CTNNA3: variants seen among roughly 807,000 people sequenced by gnomAD.
CTNNA3 encodes the protein catenin alpha-3.
Under a neutral mutation model 95.7 loss-of-function variants are expected in CTNNA3, and 76 were observed. That is an observed-to-expected ratio of 0.79 (90% CI 0.66 to 0.96). The LOEUF (loss-of-function observed/expected upper bound fraction) is 0.96, where lower values mean the gene tolerates loss of function less well. CTNNA3 is among the 40% of genes least tolerant of loss of function. The probability of loss-of-function intolerance (pLI) is 0.00; values close to 1 mark genes in which losing one functional copy is unlikely to be tolerated. For synonymous variants in CTNNA3, 431 were observed against 374.4 expected (o/e 1.15, Z -1.74); for missense variants, 1,191 against 1,089.8 (o/e 1.09, Z -1.31).
intron 2 of CTNNA3, among the ~76,000 whole-genome samples, chr10:67,627,796 C>T (rs1839007148): frequency 6.6e-6 from 1 of 151,762 alleles, no homozygotes; most frequent in Non-Finnish European, 1.5e-5. Flanking sequence ...AAATTACTTA[C>T]TTCCTAGGTT....
At chr10:66,110,620 T>C (rs963025092) in intron 13 of CTNNA3, among the ~76,000 whole-genome samples, 16 of 152,208 alleles carry the variant, frequency 1.1e-4, no homozygotes, top group Non-Finnish European at 2.4e-4. Context: ...CTGCTTTCAT[T>C]CTGCTGATCT....
chr10:67,234,410 A>C (rs1865359547), intron 5 of CTNNA3, among the ~76,000 whole-genome samples: 1 of 152,222 alleles, frequency 6.6e-6, no homozygotes, highest in African/African-American at 2.4e-5. Flanking sequence ...CAAAGACAAA[A>C]ACCACATGAT....
At chr10:66,119,477 A>G (rs1340519498) in intron 13 of CTNNA3, among the ~76,000 whole-genome samples, 2 of 152,172 alleles carry the variant, frequency 1.3e-5, no homozygotes, top group Admixed American at 6.5e-5. Flanking sequence ...GTACTCTTCA[A>G]GATTTTCTAG....
chr10:67,596,309 T>A (rs1842930599), intron 3 of CTNNA3, among the ~76,000 whole-genome samples: 1 of 152,188 alleles, frequency 6.6e-6, no homozygotes, highest in African/African-American at 2.4e-5. Context: ...CATTTATACC[T>A]GAGGTTGCAA....
At chr10:67,582,980 T>C (rs1358537929) in intron 3 of CTNNA3, among the ~76,000 whole-genome samples, 2 of 152,132 alleles carry the variant, frequency 1.3e-5, no homozygotes, top group Non-Finnish European at 2.9e-5. Context: ...GTTTCCTGAA[T>C]ACAGCACACT....
At chr10:67,227,569 C>T (rs543150999) in intron 5 of CTNNA3, among the ~76,000 whole-genome samples, 18 of 152,234 alleles carry the variant, frequency 1.2e-4, no homozygotes, top group Admixed American at 3.3e-4. Context: ...AATAGATCTA[C>T]GCAATGAGAT....
At chr10:66,583,614 A>G (rs1843266545) in intron 10 of CTNNA3, among the ~76,000 whole-genome samples, 3 of 151,484 alleles carry the variant, frequency 2.0e-5, no homozygotes, top group Non-Finnish European at 1.5e-5. Context: ...TAACAATTTT[A>G]TCTTTTTGAA....
In CTNNA3 at chr10:67,090,833, C is replaced by A. The variant is rs1021268729; in HGVS notation, c.1047+89484G>T. On this transcript the variant is annotated intron_variant, in intron 7 of 17. Coordinates refer to ENST00000433211, the MANE Select transcript of CTNNA3 (RefSeq NM_013266.4). ...AAATCCTAAAGAAACTAAGGTAGAACCTGCGGTAACATCTAGGCCGTCCCT... is the reference window on the plus strand; with the variant it reads ...AAATCCTAAAGAAACTAAGGTAGAAACTGCGGTAACATCTAGGCCGTCCCT... Among the ~76,000 whole-genome samples the A allele has an allele frequency of 4.6e-5, 7 of 152,112 alleles. No homozygotes were observed. The South Asian group carries it at 1.0e-3, about 23-fold the overall frequency.
At chr10:66,256,321 G>A (rs879211181) in intron 13 of CTNNA3, among the ~76,000 whole-genome samples, 2 of 152,070 alleles carry the variant, frequency 1.3e-5, no homozygotes, top group African/African-American at 4.8e-5. Flanking sequence ...ATCCAAAGAC[G>A]TCAGACAAAA....
At chr10:66,311,618 G>A (rs2092022214) in intron 12 of CTNNA3, among the ~76,000 whole-genome samples, 1 of 152,180 alleles carries the variant, frequency 6.6e-6, no homozygotes, top group African/African-American at 2.4e-5. Context: ...CACCACGTGT[G>A]TGATGTGTAT....
chr10:67,189,655 C>T (rs962927671), intron 6 of CTNNA3, among the ~76,000 whole-genome samples: 1 of 149,736 alleles, frequency 6.7e-6, no homozygotes. Flanking sequence ...TGATCTTATC[C>T]AGATTTTATG....
chr10:67,510,587 G>T (rs1271926305), intron 5 of CTNNA3, among the ~76,000 whole-genome samples: 2 of 151,906 alleles, frequency 1.3e-5, no homozygotes, highest in African/African-American at 4.8e-5. Context: ...TGCTCTTTTG[G>T]TTACTGCAGC....
chr10:67,514,246 G>A (rs1304732963), intron 5 of CTNNA3, among the ~76,000 whole-genome samples: 1 of 152,190 alleles, frequency 6.6e-6, no homozygotes, highest in East Asian at 1.9e-4. Context: ...GTTGCACTGA[G>A]CTGAGATTGT....
chr10:66,448,935 C>G (rs2093443732), intron 11 of CTNNA3, among the ~76,000 whole-genome samples: 1 of 151,982 alleles, frequency 6.6e-6, no homozygotes, highest in Non-Finnish European at 1.5e-5. Flanking sequence ...GCAGAACCCA[C>G]AATAATCAGA....
At chr10:66,408,100 T>C (rs1191062072) in intron 11 of CTNNA3, among the ~76,000 whole-genome samples, 1 of 152,188 alleles carries the variant, frequency 6.6e-6, no homozygotes, top group Non-Finnish European at 1.5e-5. Context: ...TTACTTATAA[T>C]ACCTAATAAA....
intron 13 of CTNNA3, among the ~76,000 whole-genome samples, chr10:66,105,115 G>T (rs964090137): frequency 1.1e-4 from 16 of 152,054 alleles, no homozygotes; most frequent in African/African-American, 3.4e-4. Context: ...CCCCCCTCTC[G>T]CCAAAGCCTT....
intron 5 of CTNNA3, among the ~76,000 whole-genome samples, chr10:67,233,914 GA>G (rs1315349040): frequency 6.6e-6 from 1 of 152,198 alleles, no homozygotes; most frequent in African/African-American, 2.4e-5. Context: ...AAATCTAGAA[GA>G]AACGGATAAA....
chr10:66,663,724 A>G (rs538702109), intron 9 of CTNNA3, among the ~76,000 whole-genome samples: 1 of 152,298 alleles, frequency 6.6e-6, no homozygotes, highest in Non-Finnish European at 1.5e-5. Context: ...TAAAAAGTTA[A>G]TCAGAGTTCA....
chr10:67,341,374 A>T lies in CTNNA3; in HGVS notation c.580-121504T>A, dbSNP rs187513928. ...ACACTTCCCAGCCTCTGGTAACCAC[A>T]TTCTACTCTCCATCTACATGAGTTC... On this transcript the variant is annotated intron_variant, in intron 5 of 17. Coordinates refer to ENST00000433211, the MANE Select transcript of CTNNA3 (RefSeq NM_013266.4). 3.1e-3 allele frequency among the ~76,000 whole-genome samples: 476 copies of T among 152,138 alleles called. 5 individuals are homozygous for T. Among genetic ancestry groups the T allele is most frequent in the African/African-American group, 0.011 (456 of 41,512 alleles).
Sources: allele counts gnomAD v4.1 joint callset (sites outside exome capture counted in the v4.1 genomes callset), GRCh38; gene constraint gnomAD v4.1.1; transcripts MANE v1.5; gene names NCBI Gene and HGNC (gene_info 2026-07-23, HGNC 2026-07-21).